SLC11A2: variants seen among roughly 807,000 people sequenced by gnomAD.
The protein encoded by SLC11A2 is natural resistance-associated macrophage protein 2.
SLC11A2 carries 38 observed loss-of-function variants against 68.0 expected under a neutral mutation model. That is an observed-to-expected ratio of 0.56 (90% CI 0.43 to 0.73). The LOEUF (loss-of-function observed/expected upper bound fraction) is 0.73, where lower values mean the gene tolerates loss of function less well. Among genes scored for constraint, SLC11A2 ranks in the 30% least tolerant of loss-of-function variants. SLC11A2 has a pLI of 0.00. For missense variants in SLC11A2, 517 were observed against 690.5 expected, an observed-to-expected ratio of 0.75 and a Z score of 2.82; for synonymous variants, 242 against 250.6, an observed-to-expected ratio of 0.97 and a Z score of 0.32.
chr12:51,027,247 G>A (rs1944431098), upstream of SLC11A2, among the ~76,000 whole-genome samples: 1 of 151,984 alleles, frequency 6.6e-6, no homozygotes, highest in South Asian at 2.1e-4. Flanking sequence ...GCTGAGGTGG[G>A]AGAATCACTT....
chr12:50,988,209 G>A lies in SLC11A2; in HGVS notation c.*116C>T. 1.3e-6 allele frequency: 2 copies of A among 1,575,856 alleles called. No homozygotes were observed. The highest frequency in any genetic ancestry group is 1.7e-6 in the Non-Finnish European group (2 of 1,161,380). Reference sequence around the variant, plus strand: ...GAAACAAAGTCTTTTCCAACCAACGGTTGAGTCATAAACACAGTCTGTGCA... The same window carrying A: ...GAAACAAAGTCTTTTCCAACCAACGATTGAGTCATAAACACAGTCTGTGCA... On this transcript the variant is annotated 3_prime_UTR_variant, in exon 16 of 16. Coordinates refer to ENST00000262052, the MANE Select transcript of SLC11A2 (RefSeq NM_000617.3).
intron 5 of SLC11A2, among the ~76,000 whole-genome samples, chr12:51,002,869 G>A (rs1942386611): frequency 6.6e-6 from 1 of 151,752 alleles, no homozygotes; most frequent in African/African-American, 2.4e-5. Context: ...GAACCCAAGA[G>A]GCGGAGGTTG....
intron 1 of SLC11A2, among the ~76,000 whole-genome samples, chr12:51,024,174 G>A (rs1044005902): frequency 6.6e-6 from 1 of 152,120 alleles, no homozygotes; most frequent in Non-Finnish European, 1.5e-5. Flanking sequence ...ATAAATAGCC[G>A]CTTCTTTGAA....
At chr12:50,983,546 T>C (rs530791614), downstream of SLC11A2, among the ~76,000 whole-genome samples, 5 of 152,148 alleles carry the variant, frequency 3.3e-5, no homozygotes, top group African/African-American at 7.2e-5. Context: ...CATTTGAAAA[T>C]GCCAAGTACA....
chr12:50,996,569 C>T (rs1941718900), intron 9 of SLC11A2, among the ~76,000 whole-genome samples: 1 of 149,730 alleles, frequency 6.7e-6, no homozygotes, highest in Admixed American at 6.7e-5. Flanking sequence ...GAGTGAGACT[C>T]CATCTCAATT....
downstream of SLC11A2, chr12:50,981,896 G>T: frequency 1.5e-6 from 1 of 666,138 alleles, no homozygotes; most frequent in Non-Finnish European, 2.4e-6. Flanking sequence ...ATCAATTTAG[G>T]CCTTTTTTTC....
intron 1 of SLC11A2, among the ~76,000 whole-genome samples, chr12:51,015,499 TAA>T (rs58477796): frequency 5.3e-5 from 7 of 131,468 alleles, no homozygotes; most frequent in African/African-American, 1.9e-4. Context: ...ATTAAATAGT[TAA>T]AAAAAAAAAA....
At chr12:50,976,854 G>C (rs1939855510), downstream of SLC11A2, among the ~76,000 whole-genome samples, 1 of 152,064 alleles carries the variant, frequency 6.6e-6, no homozygotes. Context: ...ACCAATAACA[G>C]ACAAACAGAG....
downstream of SLC11A2, among the ~76,000 whole-genome samples, chr12:50,978,668 T>C (rs1320910687): frequency 6.6e-6 from 1 of 151,932 alleles, no homozygotes; most frequent in African/African-American, 2.4e-5. Flanking sequence ...TAAAATCACA[T>C]TTGAAGAAAA....
intron 1 of SLC11A2, among the ~76,000 whole-genome samples, chr12:51,020,081 G>GGTCTT (rs1424211168): frequency 6.6e-6 from 1 of 151,524 alleles, no homozygotes. Context: ...TTTGAGACAG[G>GGTCTT]GTCTTACAGA....
At chr12:50,998,184 C>T (rs1941900379) in intron 8 of SLC11A2, among the ~76,000 whole-genome samples, 2 of 151,414 alleles carry the variant, frequency 1.3e-5, no homozygotes, top group African/African-American at 4.9e-5. Context: ...ATAGAGAAAC[C>T]CCATCTCTAC....
At chr12:51,001,661 A>T (rs960715626) in intron 5 of SLC11A2, among the ~76,000 whole-genome samples, 1 of 151,726 alleles carries the variant, frequency 6.6e-6, no homozygotes, top group Admixed American at 6.6e-5. Flanking sequence ...AATAAAAATT[A>T]TAGGAAAAAA....
At chr12:50,970,580 T>A in the SLC11A2 span, 1 of 895,802 alleles carries the variant, frequency 1.1e-6, no homozygotes. Flanking sequence ...ATTTTCAATA[T>A]GTAGCAAATT....
chr12:50,988,861 C>A (rs917147489), intron 15 of SLC11A2, among the ~76,000 whole-genome samples: 1 of 152,014 alleles, frequency 6.6e-6, no homozygotes, highest in Non-Finnish European at 1.5e-5. Context: ...TACAGACGCA[C>A]ACCACCATGC....
At chr12:51,028,141 G>A (rs1262459744), upstream of SLC11A2, 2 of 1,427,230 alleles carry the variant, frequency 1.4e-6, no homozygotes, top group East Asian at 2.5e-5. Context: ...ACCCTTTCAG[G>A]TCTGCTCAGC....
intron 15 of SLC11A2, 90 bp from the exon 16 acceptor site, chr12:50,988,525 T>A: frequency 6.3e-7 from 1 of 1,581,364 alleles, no homozygotes; most frequent in Non-Finnish European, 8.6e-7. Flanking sequence ...ACCTGCTCCC[T>A]TCCTTGAACA....
At chr12:50,996,614 T>C (rs1005183236) in intron 9 of SLC11A2, among the ~76,000 whole-genome samples, 12 of 151,732 alleles carry the variant, frequency 7.9e-5, no homozygotes, top group East Asian at 1.9e-4. Flanking sequence ...TAGCCCCACC[T>C]GCTTTATGCA....
At chr12:50,958,734 A>G in the SLC11A2 span, among the ~76,000 whole-genome samples, 1 of 151,608 alleles carries the variant, frequency 6.6e-6, no homozygotes, top group African/African-American at 2.4e-5. Flanking sequence ...CCCAAAAAAT[A>G]GGCCGGGCAC....
At chr12:50,981,753 C>A, downstream of SLC11A2, 1 of 1,536,000 alleles carries the variant, frequency 6.5e-7, no homozygotes, top group South Asian at 1.2e-5. Flanking sequence ...AGTCAGCGTC[C>A]ATGGTGTTCA....
Sources: gnomAD v4.1 joint callset for allele counts (sites outside exome capture counted in the v4.1 genomes callset) on GRCh38, gnomAD v4.1.1 for gene constraint, MANE v1.5 for transcripts, NCBI Gene and HGNC (gene_info 2026-07-23, HGNC 2026-07-21) for gene names.